The following TENM2 variants were observed in gnomAD, a reference collection of about 807,000 sequenced individuals.
TENM2 encodes teneurin transmembrane protein 2.
Under a neutral mutation model 245.2 loss-of-function variants are expected in TENM2, and 52 were observed. The ratio of observed to expected loss-of-function variants is 0.21; its 90% CI spans 0.17 to 0.27. The LOEUF (loss-of-function observed/expected upper bound fraction) is 0.27, where lower values mean the gene tolerates loss of function less well. Ranked by LOEUF, TENM2 falls within the 10% of genes least tolerant of loss-of-function variation. The pLI is 1.00. For synonymous variants in TENM2, 1,363 were observed against 1,438.9 expected, an observed-to-expected ratio of 0.95 and a Z score of 1.19; for missense variants, 3,046 against 3,666.8, an observed-to-expected ratio of 0.83 and a Z score of 4.37.
chr5:168,063,606 A>G (rs1790235973), intron 7 of TENM2, among the ~76,000 whole-genome samples: 1 of 152,174 alleles, frequency 6.6e-6, no homozygotes, highest in South Asian at 2.1e-4. Flanking sequence ...AATTGGAAGA[A>G]CTTAAAGCTA....
the TENM2 span, among the ~76,000 whole-genome samples, chr5:167,023,490 T>G: frequency 6.6e-6 from 1 of 152,312 alleles, no homozygotes; most frequent in African/African-American, 2.4e-5. Flanking sequence ...GATGTGATAT[T>G]AATACTACAG....
intron 2 of TENM2, among the ~76,000 whole-genome samples, chr5:167,692,693 G>A (rs1213400815): frequency 6.6e-6 from 1 of 152,164 alleles, no homozygotes; most frequent in Non-Finnish European, 1.5e-5. Context: ...ATCCAATAAG[G>A]TAGGGAGACC....
At chr5:167,540,130 C>G (rs1020504977) in intron 2 of TENM2, among the ~76,000 whole-genome samples, 1 of 152,012 alleles carries the variant, frequency 6.6e-6, no homozygotes, top group African/African-American at 2.4e-5. Flanking sequence ...GCTCAAGCAA[C>G]AAGGAAGCAA....
At chr5:167,064,626 C>T in the TENM2 span, among the ~76,000 whole-genome samples, 1 of 152,090 alleles carries the variant, frequency 6.6e-6, no homozygotes. Context: ...CCTCAAATTC[C>T]CCAGAGGATT....
At chr5:168,078,526 T>C (rs1791683870) in intron 7 of TENM2, among the ~76,000 whole-genome samples, 2 of 152,190 alleles carry the variant, frequency 1.3e-5, no homozygotes, top group Non-Finnish European at 2.9e-5. Context: ...CTGAATGGTA[T>C]TGCCTAGGTT....
intron 2 of TENM2, among the ~76,000 whole-genome samples, chr5:167,833,748 G>T (rs1411893786): frequency 1.3e-5 from 2 of 152,116 alleles, no homozygotes; most frequent in African/African-American, 4.8e-5. Context: ...CTTCCTTTTT[G>T]CCACTTTGAC....
chr5:166,995,157 T>C, the TENM2 span, among the ~76,000 whole-genome samples: 1 of 152,130 alleles, frequency 6.6e-6, no homozygotes, highest in Non-Finnish European at 1.5e-5. Flanking sequence ...AGAAGAAACA[T>C]GTATTTCTTT....
intron 2 of TENM2, among the ~76,000 whole-genome samples, chr5:167,466,324 C>T (rs908288862): frequency 6.6e-6 from 1 of 152,218 alleles, no homozygotes; most frequent in African/African-American, 2.4e-5. Flanking sequence ...AACACAGCCT[C>T]ACTGCTTCAA....
chr5:168,126,156 G>A (rs1038032768), intron 11 of TENM2, among the ~76,000 whole-genome samples: 5 of 152,154 alleles, frequency 3.3e-5, no homozygotes, highest in African/African-American at 4.8e-5. Context: ...CAATTACAGC[G>A]GTCATTATCA....
At chr5:167,130,901 TTTTTTTTTTTTA>T in the TENM2 span, among the ~76,000 whole-genome samples, 4 of 148,554 alleles carry the variant, frequency 2.7e-5, no homozygotes, top group African/African-American at 1.0e-4. Flanking sequence ...TTTTTTTTTT[TTTTTTTTTTTTA>T]AAAAAAAAAA....
the TENM2 span, among the ~76,000 whole-genome samples, chr5:167,174,915 T>C: frequency 6.6e-6 from 1 of 151,986 alleles, no homozygotes; most frequent in Non-Finnish European, 1.5e-5. Flanking sequence ...AGTGAGATCA[T>C]GCAGTATTTT....
At chr5:168,003,544 G>A (rs1215246471) in intron 5 of TENM2, among the ~76,000 whole-genome samples, 1 of 152,094 alleles carries the variant, frequency 6.6e-6, no homozygotes, top group Non-Finnish European at 1.5e-5. Flanking sequence ...ACAGTTAAAG[G>A]ACACAAATAG....
the TENM2 span, among the ~76,000 whole-genome samples, chr5:167,265,960 A>G: frequency 6.6e-6 from 1 of 152,158 alleles, no homozygotes; most frequent in African/African-American, 2.4e-5. Flanking sequence ...TGGCATTGCA[A>G]TGAATTTATA....
intron 2 of TENM2, among the ~76,000 whole-genome samples, chr5:167,585,360 A>T (rs1032142713): frequency 1.3e-5 from 2 of 152,216 alleles, no homozygotes; most frequent in Non-Finnish European, 2.9e-5. Flanking sequence ...GATGTTTACA[A>T]GATTTTGAAC....
rs561454157 is a variant in TENM2, at chr5:167,623,350, G to A, written c.502+247877G>A. ...CCGAATTCTCTTTTCCCAATTTGTT[G>A]TGTTTCTCTTTATTATTTCAAAAAA... On this transcript the variant is annotated intron_variant, in intron 2 of 28. Transcript: ENST00000518659. 1.6e-4 allele frequency among the ~76,000 whole-genome samples: 25 copies of A among 152,180 alleles called. 1 individual carries two copies. In the South Asian group the frequency reaches 5.0e-3, roughly 30 times the overall value.
chr5:167,103,845 G>GAA, the TENM2 span, among the ~76,000 whole-genome samples: 1 of 143,806 alleles, frequency 7.0e-6, no homozygotes, highest in African/African-American at 2.6e-5. Context: ...TAGCAATACT[G>GAA]AAAAAAAAAA....
chr5:167,512,123 CT>C (rs1169686106), intron 2 of TENM2, among the ~76,000 whole-genome samples: 1 of 152,116 alleles, frequency 6.6e-6, no homozygotes, highest in Non-Finnish European at 1.5e-5. Context: ...TAAGATTTGA[CT>C]ATTAAAAAAC....
the TENM2 span, among the ~76,000 whole-genome samples, chr5:167,159,102 A>C: frequency 6.6e-6 from 1 of 151,250 alleles, no homozygotes; most frequent in Admixed American, 6.6e-5. Flanking sequence ...ATAGGCAAGC[A>C]TGGCTAATTT....
chr5:167,374,463 A>T (rs1760623086), intron 1 of TENM2, among the ~76,000 whole-genome samples: 1 of 152,170 alleles, frequency 6.6e-6, no homozygotes, highest in Admixed American at 6.5e-5. Flanking sequence ...ATTAAAAACG[A>T]CTAGTTTGGC....
Sources: gnomAD v4.1 joint callset for allele counts (sites outside exome capture counted in the v4.1 genomes callset) on GRCh38, gnomAD v4.1.1 for gene constraint, MANE v1.5 for transcripts, NCBI Gene and HGNC (gene_info 2026-07-23, HGNC 2026-07-21) for gene names.